AVEN: variants seen among roughly 807,000 people sequenced by gnomAD.
AVEN encodes the protein cell death regulator Aven.
Under a neutral mutation model 38.1 loss-of-function variants are expected in AVEN, and 41 were observed. The ratio of observed to expected loss-of-function variants is 1.08; its 90% CI spans 0.84 to 1.40. The LOEUF (loss-of-function observed/expected upper bound fraction) is 1.40, where lower values mean the gene tolerates loss of function less well. AVEN is among the 40% of genes most tolerant of loss of function. The pLI is 0.00. For synonymous variants in AVEN, 206 were observed against 171.8 expected, an observed-to-expected ratio of 1.20 and a Z score of -1.56; for missense variants, 605 against 438.8, an observed-to-expected ratio of 1.38 and a Z score of -3.38.
chr15:33,965,831 C>T (rs1309011637), intron 2 of AVEN, among the ~76,000 whole-genome samples: 2 of 152,102 alleles, frequency 1.3e-5, no homozygotes, highest in Non-Finnish European at 2.9e-5. Context: ...AGCTACTCAA[C>T]CTATTAGATC....
At chr15:33,980,752 G>C (rs1896102191) in intron 2 of AVEN, among the ~76,000 whole-genome samples, 1 of 152,192 alleles carries the variant, frequency 6.6e-6, no homozygotes. Flanking sequence ...GCTCTAAGCA[G>C]AGTGTAGGCA....
chr15:34,023,181 GA>G (rs983274134), intron 1 of AVEN, among the ~76,000 whole-genome samples: 28 of 144,836 alleles, frequency 1.9e-4, no homozygotes, highest in Admixed American at 4.1e-4. Flanking sequence ...CTCGGTCTCA[GA>G]AAAAAAAAAA....
At chr15:34,072,158 G>T (rs1900640264) in intron 1 of AVEN, among the ~76,000 whole-genome samples, 1 of 151,858 alleles carries the variant, frequency 6.6e-6, no homozygotes, top group Non-Finnish European at 1.5e-5. Context: ...AGTCCTAGCT[G>T]CTCAAGAGGC....
chr15:33,854,772 C>G (rs758795619), downstream of AVEN: 2 of 1,605,410 alleles, frequency 1.2e-6, no homozygotes, highest in Non-Finnish European at 1.7e-6. Flanking sequence ...CCAGTCCTTT[C>G]TCTACCTTGC....
downstream of AVEN, among the ~76,000 whole-genome samples, chr15:33,854,195 CAA>C (rs35238625): frequency 7.2e-6 from 1 of 138,048 alleles, no homozygotes; most frequent in African/African-American, 2.7e-5. Context: ...GACTCCGTTT[CAA>C]AAAAAAAAAA....
At chr15:34,029,755 G>A (rs1057074886) in intron 1 of AVEN, among the ~76,000 whole-genome samples, 1 of 152,104 alleles carries the variant, frequency 6.6e-6, no homozygotes. Flanking sequence ...TCCTTGGAAG[G>A]AATTGAAGTG....
At chr15:33,942,139 A>G (rs1381146072) in intron 2 of AVEN, among the ~76,000 whole-genome samples, 1 of 152,234 alleles carries the variant, frequency 6.6e-6, no homozygotes, top group African/African-American at 2.4e-5. Flanking sequence ...CTCATTAAAT[A>G]AACTCAGTTA....
rs1045330858 is a variant in AVEN, at chr15:33,931,308, AATTT to A, written c.446-55317_446-55314del. Among the ~76,000 whole-genome samples, 6 of 148,960 alleles carry A rather than the reference AATTT, an allele frequency of 4.0e-5. No individual in the cohort carries two copies. In the South Asian group the frequency reaches 6.3e-4, roughly 16 times the overall value. On this transcript the variant is annotated intron_variant, in intron 2 of 5. Transcript: ENST00000306730. ...AACCATCAAATTAAGGGACCTTTTAAATTTATTTATTTGCCAAAAAGAAACTATG... is the reference window on the plus strand; with the variant it reads ...AACCATCAAATTAAGGGACCTTTTAAATTTATTTGCCAAAAAGAAACTATG...
At chr15:33,924,791 T>G (rs112325339) in intron 2 of AVEN, among the ~76,000 whole-genome samples, 37 of 152,368 alleles carry the variant, frequency 2.4e-4, no homozygotes, top group African/African-American at 8.4e-4. Flanking sequence ...ATTTCATTAT[T>G]ATCAAGGACC....
At chr15:33,877,697 T>G (rs1695214046) in intron 2 of AVEN, among the ~76,000 whole-genome samples, 1 of 152,110 alleles carries the variant, frequency 6.6e-6, no homozygotes, top group South Asian at 2.1e-4. Context: ...ATGCCTGTAA[T>G]CCCAGCATTG....
chr15:33,931,128 T>TA (rs762371685), intron 2 of AVEN, among the ~76,000 whole-genome samples: 8 of 152,036 alleles, frequency 5.3e-5, no homozygotes, highest in Non-Finnish European at 7.4e-5. Context: ...CAACGATGGA[T>TA]ACGGCACAAA....
intron 2 of AVEN, among the ~76,000 whole-genome samples, chr15:33,987,881 C>T (rs1896545856): frequency 6.6e-6 from 1 of 152,210 alleles, no homozygotes; most frequent in Non-Finnish European, 1.5e-5. Flanking sequence ...ATGGAAAACC[C>T]TAACCAGGTC....
chr15:33,878,193 T>C (rs999825897), intron 2 of AVEN, among the ~76,000 whole-genome samples: 1 of 152,212 alleles, frequency 6.6e-6, no homozygotes, highest in Non-Finnish European at 1.5e-5. Context: ...TCCAAATTAC[T>C]CAAATTCATT....
At chr15:34,073,823 G>A (rs535369316) in intron 1 of AVEN, among the ~76,000 whole-genome samples, 2 of 151,396 alleles carry the variant, frequency 1.3e-5, no homozygotes, top group Admixed American at 6.6e-5. Flanking sequence ...ACCTAGCCAG[G>A]GAGCTCTTAT....
rs553324117 is a variant in AVEN at position 34,020,321 on chromosome 15, G to GA, written c.268-17113dup. On this transcript the variant is annotated intron_variant, in intron 1 of 5. Transcript: ENST00000306730. The stretch of plus-strand genomic sequence containing the variant: ...GCGAGACTCCATCTCAAAAAAAAAA[G>GA]AAAAAAAAATAGAGGTTTTAAAAGG... 1.2e-3 allele frequency among the ~76,000 whole-genome samples: 170 copies of GA among 146,656 alleles called. 7 individuals carry two copies. In the South Asian group the frequency reaches 0.031, roughly 27 times the overall value.
chr15:33,937,932 C>CAAAAA (rs55887919), intron 2 of AVEN, among the ~76,000 whole-genome samples: 8 of 100,848 alleles, frequency 7.9e-5, no homozygotes, highest in South Asian at 3.6e-4. Flanking sequence ...CCTACTTGAC[C>CAAAAA]AAAAAAAAAA....
rs375040191 is a variant in AVEN at position 34,020,495 on chromosome 15, G to A, written c.268-17286C>T. 1.5e-3 allele frequency among the ~76,000 whole-genome samples: 234 copies of A among 152,194 alleles called. 4 individuals carry two copies. Among genetic ancestry groups the A allele is most frequent in the Non-Finnish European group, 2.2e-3 (149 of 67,988 alleles). On this transcript the variant is annotated intron_variant, in intron 1 of 5. Transcript: ENST00000306730. ...TAGATCATCTGGTTTAAGCCTCTAA[G>A]CACCTATCCTTGTTAACTAAAGGGT...
At chr15:33,948,246 G>C (rs911205631) in intron 2 of AVEN, among the ~76,000 whole-genome samples, 1 of 151,790 alleles carries the variant, frequency 6.6e-6, no homozygotes, top group Admixed American at 6.6e-5. Flanking sequence ...ACAGGCACCC[G>C]CCACCACGCC....
intron 2 of AVEN, among the ~76,000 whole-genome samples, chr15:33,931,348 T>C (rs1274482432): frequency 2.0e-5 from 2 of 102,324 alleles, no homozygotes; most frequent in African/African-American, 7.5e-5. Context: ...CTGAATATTT[T>C]CTTTTTTTTT....
Sources: gnomAD v4.1 joint callset for allele counts (sites outside exome capture counted in the v4.1 genomes callset) on GRCh38, gnomAD v4.1.1 for gene constraint, MANE v1.5 for transcripts, NCBI Gene and HGNC (gene_info 2026-07-23, HGNC 2026-07-21) for gene names.